Variants in AK8 observed in about 807,000 individuals in gnomAD.
The protein encoded by AK8 is ATP-AMP transphosphorylase 8.
AK8 carries 44 observed loss-of-function variants against 54.6 expected under a neutral mutation model. That is an observed-to-expected ratio of 0.81 (90% CI 0.63 to 1.04). AK8 has a LOEUF of 1.04. Ranked by LOEUF, AK8 falls within the 50% of genes least tolerant of loss-of-function variation. AK8 has a pLI of 0.00. For missense variants in AK8, 555 were observed against 613.6 expected, an observed-to-expected ratio of 0.90 and a Z score of 1.01; for synonymous variants, 239 against 245.6, an observed-to-expected ratio of 0.97 and a Z score of 0.25.
chr9:132,760,480 G>A (rs566878542), intron 11 of AK8, among the ~76,000 whole-genome samples: 4 of 152,232 alleles, frequency 2.6e-5, no homozygotes, highest in Admixed American at 2.0e-4. Flanking sequence ...AAACTATTAT[G>A]TACTCCATAA....
intron 5 of AK8, among the ~76,000 whole-genome samples, chr9:132,844,066 C>A (rs552730687): frequency 6.6e-6 from 1 of 152,000 alleles, no homozygotes; most frequent in Non-Finnish European, 1.5e-5. Flanking sequence ...TGAGCCTTTC[C>A]CCCCAAGTTT....
intron 10 of AK8, among the ~76,000 whole-genome samples, chr9:132,805,007 G>T (rs1235767632): frequency 1.3e-5 from 2 of 152,192 alleles, no homozygotes; most frequent in Non-Finnish European, 2.9e-5. Context: ...TGCCGTTGGG[G>T]GGTCTGTGAG....
chr9:132,858,314 G>C (rs1843257633), intron 4 of AK8, among the ~76,000 whole-genome samples: 1 of 152,258 alleles, frequency 6.6e-6, no homozygotes, highest in Non-Finnish European at 1.5e-5. Flanking sequence ...GCTGTTCTGA[G>C]GCAGCCAAGT....
Position 132,790,233 on chromosome 9 carries a change from T to C in AK8, c.1121+2401A>G, listed in dbSNP as rs1839888301. Among the ~76,000 whole-genome samples the C allele has an allele frequency of 6.6e-6, 1 of 152,138 alleles. No homozygotes were observed. The highest frequency in any genetic ancestry group is 1.5e-5 in the Non-Finnish European group (1 of 68,026). ...CTCTTGATAAACATTAACTAGAGAT[T>C]TTAAATCACGGAGCTATACTTCTTT... On this transcript the variant is annotated intron_variant, in intron 11 of 12. Transcript: ENST00000298545. This position sits in a 1 kb window ranked among gnomAD's most constrained non-coding sequence, Gnocchi z 4.1.
chr9:132,839,828 G>T lies in AK8; in HGVS notation c.403-11102C>A, dbSNP rs190243257. Among the ~76,000 whole-genome samples, 21 of 147,528 alleles carry T rather than the reference G, an allele frequency of 1.4e-4. 2 individuals carry two copies. The highest frequency in any genetic ancestry group is 6.1e-4 in the Admixed American group (9 of 14,804). ...GAAAACATTTTTTTTGCCGGGGGGG[G>T]GGGCGCAGGGACGGAGCCTTGCTCT... On this transcript the variant is annotated intron_variant, in intron 5 of 12. Coordinates refer to ENST00000298545, the MANE Select transcript of AK8 (RefSeq NM_152572.3).
intron 5 of AK8, among the ~76,000 whole-genome samples, chr9:132,843,549 C>G (rs550969583): frequency 6.6e-6 from 1 of 152,142 alleles, no homozygotes; most frequent in African/African-American, 2.4e-5. Context: ...AAGGCCTGAG[C>G]AGGGTGGGTG....
chr9:132,754,291 A>G (rs1321573342), intron 11 of AK8, among the ~76,000 whole-genome samples: 1 of 152,160 alleles, frequency 6.6e-6, no homozygotes, highest in Non-Finnish European at 1.5e-5. Flanking sequence ...GGCTATTTGC[A>G]TTTCATCATC....
In AK8 at chr9:132,826,855, C is replaced by A. The variant is rs1306200681; in HGVS notation, c.756G>T (p.Gln252His). 5 of 1,614,222 alleles carry A rather than the reference C, an allele frequency of 3.1e-6. No homozygotes were observed. The highest frequency in any genetic ancestry group is 2.2e-5 in the South Asian group (2 of 91,084). Residue 252 changes from glutamine (Q) to histidine (H), a missense_variant and splice_region_variant, in exon 8 of 13, where the codon CAG becomes CAT. By Grantham distance (24) the Gln-to-His change is conservative (BLOSUM62 0). Coordinates refer to ENST00000298545, the MANE Select transcript of AK8 (RefSeq NM_152572.3). The surrounding 1 kb of genome is among the most constrained non-coding windows in gnomAD (Gnocchi z 4.5). ...GTGGGGCTGCCTGCTTGTGTTTACC[C>A]TGGTAGAAGACGTCCACACATGGCT... ...ADQPCVDVFY[Q>H]ALTYVQSNHR...
intron 2 of AK8, among the ~76,000 whole-genome samples, chr9:132,874,060 T>C (rs1340528993): frequency 6.6e-6 from 1 of 152,166 alleles, no homozygotes; most frequent in Non-Finnish European, 1.5e-5. Flanking sequence ...CGCCTGGGCA[T>C]ATAGGACGCT....
intron 4 of AK8, among the ~76,000 whole-genome samples, chr9:132,855,537 T>C (rs1843143283): frequency 6.6e-6 from 1 of 152,022 alleles, no homozygotes; most frequent in Non-Finnish European, 1.5e-5. Flanking sequence ...GGTGGGAGTG[T>C]CTACACCACA....
rs1364053377 is a variant in AK8 at position 132,878,010 on chromosome 9, C to T, written c.84+162G>A. The T allele has an allele frequency of 6.6e-7, 1 of 1,515,850 alleles. No individual in the cohort carries two copies. The highest frequency in any genetic ancestry group is 8.9e-7 in the Non-Finnish European group (1 of 1,121,044). 93.9% of individuals were successfully genotyped at this position (1,515,850 alleles called of 1,614,324 possible). On this transcript the variant is annotated intron_variant, in intron 1 of 12. Coordinates refer to ENST00000298545, the MANE Select transcript of AK8 (RefSeq NM_152572.3). This position sits in a 1 kb window ranked among gnomAD's most constrained non-coding sequence, Gnocchi z 4.7. The stretch of plus-strand genomic sequence containing the variant: ...CCAGGAGCGTCCCCAGCTCGAGGGC[C>T]CCCTCGGGGTCACGGCGACACACGA...
chr9:132,821,806 TGTATGTATATACAAATATATAC>T (rs1841654514), intron 9 of AK8, among the ~76,000 whole-genome samples: 1 of 93,166 alleles, frequency 1.1e-5, no homozygotes, highest in Non-Finnish European at 2.3e-5. Context: ...TACATATATG[TGTATGTATATACAAATATATAC>T]ATATATGTGT....
At chr9:132,738,590 C>T (rs887665225) in intron 11 of AK8, among the ~76,000 whole-genome samples, 2 of 152,020 alleles carry the variant, frequency 1.3e-5, no homozygotes, top group Non-Finnish European at 2.9e-5. Context: ...AAACTATTGT[C>T]CATTTCTAGC....
intron 4 of AK8, 68 bp downstream of exon 4, chr9:132,863,597 G>A (rs1461423330): frequency 4.7e-6 from 5 of 1,054,438 alleles, no homozygotes; most frequent in Non-Finnish European, 7.2e-6. Flanking sequence ...GCAATGGTCA[G>A]GTGGCAGTGG....
At chr9:132,831,192 C>CTT (rs200977922) in intron 5 of AK8, among the ~76,000 whole-genome samples, 1 of 148,314 alleles carries the variant, frequency 6.7e-6, no homozygotes. Context: ...GCTCTCCCTT[C>CTT]TTTTTTTTTT....
At position 132,790,654 on chromosome 9, in the gene AK8, G is replaced by A. The variant is rs79955865; in HGVS notation, c.1121+1980C>T. The stretch of plus-strand genomic sequence containing the variant: ...GCCCTTATGGTCAGGAAAAACCACC[G>A]TGTCGATCATGACACCCTGTTCTGA... On this transcript the variant is annotated intron_variant, in intron 11 of 12. Coordinates refer to ENST00000298545, the MANE Select transcript of AK8 (RefSeq NM_152572.3). This position sits in a 1 kb window ranked among gnomAD's most constrained non-coding sequence, Gnocchi z 4.1. Among the ~76,000 whole-genome samples the A allele has an allele frequency of 0.024, 3,720 of 152,174 alleles. 150 individuals are homozygous for A. Among genetic ancestry groups the A allele is most frequent in the African/African-American group, 0.085 (3,521 of 41,502 alleles).
At chr9:132,819,759 T>A (rs1324179382) in intron 9 of AK8, among the ~76,000 whole-genome samples, 1 of 152,174 alleles carries the variant, frequency 6.6e-6, no homozygotes, top group Non-Finnish European at 1.5e-5. Flanking sequence ...ATAGACCATA[T>A]ATGCAAATTT....
At chr9:132,783,298 G>T (rs906257806) in intron 11 of AK8, among the ~76,000 whole-genome samples, 1 of 152,194 alleles carries the variant, frequency 6.6e-6, no homozygotes, top group Admixed American at 6.5e-5. Flanking sequence ...AAGAGGCAAG[G>T]AAACGGATTT....
Position 132,770,630 on chromosome 9 carries a change from C to T in AK8, c.1121+22004G>A, listed in dbSNP as rs1838926000. Among the ~76,000 whole-genome samples the T allele has an allele frequency of 6.6e-6, 1 of 152,128 alleles. No individual in the cohort carries two copies. The highest frequency in any genetic ancestry group is 6.5e-5 in the Admixed American group (1 of 15,280). On this transcript the variant is annotated intron_variant, in intron 11 of 12. Coordinates refer to ENST00000298545, the MANE Select transcript of AK8 (RefSeq NM_152572.3). This position sits in a 1 kb window ranked among gnomAD's most constrained non-coding sequence, Gnocchi z 4.3. ...GAAGCCGGTCCCATTTCAACAGAGA[C>T]CTGGGGCAGCGCGGTGGGCAGCGGG...
Sources: gnomAD v4.1 joint callset for allele counts (sites outside exome capture counted in the v4.1 genomes callset) on GRCh38, gnomAD v4.1.1 for gene constraint, Gnocchi (gnomAD v3.1) non-coding constraint, MANE v1.5 for transcripts, NCBI Gene and HGNC (gene_info 2026-07-23, HGNC 2026-07-21) for gene names.